The following RNGTT variants were observed in gnomAD, a reference collection of about 807,000 sequenced individuals.
The protein encoded by RNGTT is mRNA-capping enzyme.
A neutral mutation model predicts 79.3 loss-of-function variants in RNGTT; 33 were observed. That is an observed-to-expected ratio of 0.42 (90% CI 0.32 to 0.56). RNGTT has a LOEUF of 0.56. Among genes scored for constraint, RNGTT ranks in the 20% least tolerant of loss-of-function variants. RNGTT has a pLI of 0.17. For missense variants in RNGTT, 497 were observed against 739.1 expected (o/e 0.67, Z 3.80); for synonymous variants, 222 against 235.9 (o/e 0.94, Z 0.54).
Position 88,682,797 on chromosome 6 carries a change from C to T in RNGTT, c.1440-4378G>A, listed in dbSNP as rs114467497. ...CAAATAAAATAATGCAGATCATAGC[C>T]TCAGAACATAACTCAGCTAGAAATC... On this transcript the variant is annotated intron_variant, in intron 13 of 15. Coordinates refer to ENST00000369485, the MANE Select transcript of RNGTT (RefSeq NM_003800.5). Among the ~76,000 whole-genome samples, 361 of 152,200 alleles carry T rather than the reference C, an allele frequency of 2.4e-3. 1 individual carries two copies. Among genetic ancestry groups the T allele is most frequent in the African/African-American group, 8.2e-3 (341 of 41,542 alleles).
At chr6:88,751,424 A>T (rs941648950) in intron 13 of RNGTT, among the ~76,000 whole-genome samples, 16 of 152,298 alleles carry the variant, frequency 1.1e-4, no homozygotes, top group Non-Finnish European at 1.0e-4. Context: ...CATAGTGGTC[A>T]GTAAAAATAT....
At chr6:88,810,931 A>AT (rs1168104588) in intron 11 of RNGTT, among the ~76,000 whole-genome samples, 1 of 152,226 alleles carries the variant, frequency 6.6e-6, no homozygotes, top group Non-Finnish European at 1.5e-5. Flanking sequence ...TGAGGACCCA[A>AT]TAACAACATA....
chr6:88,808,929 C>T (rs1780047452), intron 11 of RNGTT, among the ~76,000 whole-genome samples: 2 of 151,570 alleles, frequency 1.3e-5, no homozygotes, highest in Non-Finnish European at 2.9e-5. Flanking sequence ...TGAATTCCAG[C>T]CTGAGTGACA....
At chr6:88,754,836 G>T (rs1777954596) in intron 13 of RNGTT, among the ~76,000 whole-genome samples, 1 of 152,112 alleles carries the variant, frequency 6.6e-6, no homozygotes, top group African/African-American at 2.4e-5. Context: ...CTTTATTTTG[G>T]CCCATTCCTT....
intron 14 of RNGTT, among the ~76,000 whole-genome samples, chr6:88,615,672 A>G (rs766799199): frequency 7.9e-5 from 12 of 152,216 alleles, no homozygotes; most frequent in Admixed American, 2.0e-4. Flanking sequence ...GTTTTGCTAT[A>G]CCACATGTAA....
chr6:88,941,845 T>C (rs950364283), intron 1 of RNGTT, among the ~76,000 whole-genome samples: 2 of 152,110 alleles, frequency 1.3e-5, no homozygotes, highest in Non-Finnish European at 2.9e-5. Flanking sequence ...AAATTACCAG[T>C]GAATAGAACT....
intron 14 of RNGTT, among the ~76,000 whole-genome samples, chr6:88,642,894 T>C (rs1187622472): frequency 6.6e-6 from 1 of 152,248 alleles, no homozygotes. Flanking sequence ...TAATTGTTTA[T>C]GCCAGAGCTA....
intron 2 of RNGTT, among the ~76,000 whole-genome samples, chr6:88,935,213 C>A (rs905637336): frequency 3.3e-5 from 5 of 152,086 alleles, no homozygotes; most frequent in Admixed American, 1.3e-4. Flanking sequence ...GTTCTTGGTG[C>A]CTTTGTCTAA....
At chr6:88,678,771 G>C (rs1399267301) in intron 13 of RNGTT, among the ~76,000 whole-genome samples, 1 of 151,938 alleles carries the variant, frequency 6.6e-6, no homozygotes, top group East Asian at 1.9e-4. Flanking sequence ...TTTAGTCTGG[G>C]CAATATAACG....
At chr6:88,898,851 T>C (rs1783345797) in intron 6 of RNGTT, among the ~76,000 whole-genome samples, 1 of 146,822 alleles carries the variant, frequency 6.8e-6, no homozygotes, top group South Asian at 2.2e-4. Flanking sequence ...GATGTTTGCA[T>C]TTATATTTTA....
chr6:88,649,177 G>A (rs769869429), intron 14 of RNGTT, among the ~76,000 whole-genome samples: 1 of 152,156 alleles, frequency 6.6e-6, no homozygotes, highest in Non-Finnish European at 1.5e-5. Context: ...TTGTATGTTT[G>A]TTTTTGACTA....
At chr6:88,801,909 C>T (rs10455494) in intron 11 of RNGTT, among the ~76,000 whole-genome samples, 13,967 of 151,204 alleles carry the variant, frequency 0.092, 695 homozygotes, top group African/African-American at 0.11. Context: ...GTCCTAACTA[C>T]AACAACCAAA....
chr6:88,901,845 C>T (rs1783481107), intron 6 of RNGTT, among the ~76,000 whole-genome samples: 1 of 151,858 alleles, frequency 6.6e-6, no homozygotes, highest in East Asian at 1.9e-4. Flanking sequence ...AAAATGATGT[C>T]GAAAAAGACA....
chr6:88,754,794 T>G (rs562419445), intron 13 of RNGTT, among the ~76,000 whole-genome samples: 1 of 152,340 alleles, frequency 6.6e-6, no homozygotes, highest in South Asian at 2.1e-4. Flanking sequence ...TAAGGACATG[T>G]TCCTGCTGCA....
intron 13 of RNGTT, among the ~76,000 whole-genome samples, chr6:88,716,911 T>C (rs977223661): frequency 6.6e-6 from 1 of 152,136 alleles, no homozygotes; most frequent in African/African-American, 2.4e-5. Context: ...GGCACATGTA[T>C]ACATATGTAA....
At chr6:88,923,769 T>C (rs962588801) in intron 4 of RNGTT, among the ~76,000 whole-genome samples, 6 of 152,216 alleles carry the variant, frequency 3.9e-5, no homozygotes, top group African/African-American at 9.7e-5. Flanking sequence ...AAACATATCG[T>C]AGCTAAATCA....
At chr6:88,766,564 A>G (rs1778469444) in intron 13 of RNGTT, among the ~76,000 whole-genome samples, 1 of 152,236 alleles carries the variant, frequency 6.6e-6, no homozygotes, top group East Asian at 1.9e-4. Flanking sequence ...TTCAGAAATG[A>G]TAATAGGAGA....
intron 13 of RNGTT, among the ~76,000 whole-genome samples, chr6:88,715,877 A>G (rs899978419): frequency 6.6e-6 from 1 of 152,198 alleles, no homozygotes; most frequent in African/African-American, 2.4e-5. Context: ...AAGAAAACCT[A>G]GGCATTACCA....
chr6:88,628,376 TA>T (rs1260287734), intron 14 of RNGTT, among the ~76,000 whole-genome samples: 2 of 152,194 alleles, frequency 1.3e-5, no homozygotes, highest in Admixed American at 1.3e-4. Flanking sequence ...AATCATCAAA[TA>T]AAACCCTTTT....
Sources: gnomAD v4.1 joint callset for allele counts (sites outside exome capture counted in the v4.1 genomes callset) on GRCh38, gnomAD v4.1.1 for gene constraint, MANE v1.5 for transcripts, NCBI Gene and HGNC (gene_info 2026-07-23, HGNC 2026-07-21) for gene names.